The following PABIR3 variants were observed in gnomAD, a reference collection of about 807,000 sequenced individuals.
The protein encoded by PABIR3 is PABIR family member 1.
Under a neutral mutation model 23.1 loss-of-function variants are expected in PABIR3, and 20 were observed. The ratio of observed to expected loss-of-function variants is 0.86; its 90% CI spans 0.61 to 1.26. PABIR3 has a LOEUF of 1.26. Ranked by LOEUF, PABIR3 falls within the 50% of genes most tolerant of loss-of-function variation. PABIR3 has a pLI of 0.00. For synonymous variants in PABIR3, 69 were observed against 68.5 expected (o/e 1.01, Z -0.04); for missense variants, 189 against 195.4 (o/e 0.97, Z 0.20).
chrX:134,809,332 A>G, intron 2 of PABIR3: 1 of 151,391 alleles, frequency 6.6e-6, no homozygotes, highest in Non-Finnish European at 1.1e-5. Context: ...CGCCCACCTA[A>G]TTTTTTGTAT....
intron 10 of PABIR3, among the ~76,000 whole-genome samples, chrX:134,853,513 G>A (rs1489303988): frequency 3.6e-5 from 4 of 111,541 alleles, no homozygotes; most frequent in Non-Finnish European, 7.5e-5. Flanking sequence ...CATCTTCCTT[G>A]GATTTTTGTC....
At chrX:134,826,248 C>A (rs1229520014) in intron 3 of PABIR3, among the ~76,000 whole-genome samples, 1 of 111,548 alleles carries the variant, frequency 9.0e-6, no homozygotes, top group Non-Finnish European at 1.9e-5. Flanking sequence ...AGTATCCTGT[C>A]TTAAAACATG....
downstream of PABIR3, among the ~76,000 whole-genome samples, chrX:134,858,697 C>A (rs2082760065): frequency 9.0e-6 from 1 of 111,611 alleles, no homozygotes; most frequent in Admixed American, 9.6e-5. Context: ...ACCATAAGTA[C>A]CCCAGCAAAT....
At chrX:134,834,336 A>C (rs1445899293) in intron 4 of PABIR3, 6 of 111,754 alleles carry the variant, frequency 5.4e-5, no homozygotes, top group Non-Finnish European at 1.1e-4. Context: ...GTGTCTGTTC[A>C]TATCTTTTGC....
chrX:134,842,929 G>T (rs1308638527), intron 4 of PABIR3, among the ~76,000 whole-genome samples: 1 of 105,081 alleles, frequency 9.5e-6, no homozygotes, highest in Non-Finnish European at 1.9e-5. Context: ...TTGGCCGGGC[G>T]CCATGGCTCA....
chrX:134,829,993 A>G (rs960010996), intron 4 of PABIR3, among the ~76,000 whole-genome samples: 1 of 112,226 alleles, frequency 8.9e-6, no homozygotes, highest in Non-Finnish European at 1.9e-5. Flanking sequence ...TTATTCACTT[A>G]GTACTAACAG....
At chrX:134,837,046 T>A (rs773303062) in intron 4 of PABIR3, among the ~76,000 whole-genome samples, 25 of 109,361 alleles carry the variant, frequency 2.3e-4, no homozygotes, top group East Asian at 1.4e-3. Context: ...TTTAAAAAAA[T>A]TTTTTTTTTA....
intron 2 of PABIR3, chrX:134,810,640 T>C: frequency 1.3e-6 from 1 of 754,070 alleles, no homozygotes; most frequent in Non-Finnish European, 1.6e-6. Flanking sequence ...TGAGCCTTAG[T>C]TGAATTCATT....
upstream of PABIR3, among the ~76,000 whole-genome samples, chrX:134,805,124 G>A (rs182504961): frequency 8.9e-6 from 1 of 112,210 alleles, no homozygotes; most frequent in African/African-American, 3.2e-5. Context: ...ATATTCTGAG[G>A]CATCTCATTT....
intron 6 of PABIR3, 57 bp downstream of exon 6, chrX:134,845,458 T>C (rs2082401638): frequency 2.2e-6 from 2 of 921,562 alleles, no homozygotes; most frequent in African/African-American, 4.0e-5. Flanking sequence ...TGACTTACAG[T>C]GTCGGCATAT....
intron 4 of PABIR3, among the ~76,000 whole-genome samples, chrX:134,842,562 C>T (rs1043737548): frequency 8.2e-5 from 9 of 109,462 alleles, no homozygotes; most frequent in African/African-American, 3.0e-4. Context: ...GAGCCGAGAT[C>T]GCGCCACTGC....
At chrX:134,838,191 AT>A (rs773276204) in intron 4 of PABIR3, among the ~76,000 whole-genome samples, 1 of 111,933 alleles carries the variant, frequency 8.9e-6, no homozygotes, top group East Asian at 2.8e-4. Flanking sequence ...TTCCTTGACA[AT>A]ATCCTCTTTG....
Position 134,815,488 on chromosome X carries a change from A to G in PABIR3, c.189+639A>G, listed in dbSNP as rs868619633. 2.7e-5 allele frequency among the ~76,000 whole-genome samples: 3 copies of G among 111,611 alleles called. No homozygotes were observed. In the South Asian group the frequency reaches 1.1e-3, roughly 41 times the overall value. On this transcript the variant is annotated intron_variant, in intron 3 of 10. Transcript: ENST00000645433. The stretch of plus-strand genomic sequence containing the variant: ...TAACTGTTTTAAAATATACAATTCA[A>G]TGGCATTTAGTGTATTCACAATGTT...
At chrX:134,858,203 T>C (rs751647032), downstream of PABIR3, among the ~76,000 whole-genome samples, 3 of 111,954 alleles carry the variant, frequency 2.7e-5, no homozygotes, top group East Asian at 8.4e-4. Flanking sequence ...TAGTTTGAAA[T>C]CTTGTAAGAA....
intron 3 of PABIR3, among the ~76,000 whole-genome samples, chrX:134,824,871 G>A (rs1224067391): frequency 8.9e-6 from 1 of 112,249 alleles, no homozygotes; most frequent in Non-Finnish European, 1.9e-5. Context: ...GGGAATTTTA[G>A]GACAGTGAAA....
intron 8 of PABIR3, 114 bp from the exon 9 acceptor site, chrX:134,849,053 A>G (rs1203935759): frequency 3.3e-5 from 9 of 273,868 alleles, no homozygotes; most frequent in Non-Finnish European, 5.6e-5. Context: ...ATGATGTAAT[A>G]TCCTACACAG....
chrX:134,822,115 C>T (rs1397886057), intron 3 of PABIR3: 1 of 751,523 alleles, frequency 1.3e-6, no homozygotes, highest in Non-Finnish European at 1.6e-6. Flanking sequence ...ACCATGACAT[C>T]ATTCCTTGGT....
chrX:134,863,846 C>T, the PABIR3 span, among the ~76,000 whole-genome samples: 2 of 111,119 alleles, frequency 1.8e-5, no homozygotes, highest in African/African-American at 6.5e-5. Flanking sequence ...AATATATGCA[C>T]CAGCTCCAAA....
chrX:134,863,023 T>A, the PABIR3 span, among the ~76,000 whole-genome samples: 18 of 112,217 alleles, frequency 1.6e-4, no homozygotes, highest in Non-Finnish European at 2.3e-4. Context: ...ACCTTGATAC[T>A]ATCCCATTGG....
Sources: gnomAD v4.1 joint callset for allele counts (sites outside exome capture counted in the v4.1 genomes callset) on GRCh38, gnomAD v4.1.1 for gene constraint, MANE v1.5 for transcripts, NCBI Gene and HGNC (gene_info 2026-07-23, HGNC 2026-07-21) for gene names.